Variants in COL6A6 observed in about 807,000 individuals in gnomAD.
The protein encoded by COL6A6 is collagen alpha-6(VI) chain.
COL6A6 carries 183 observed loss-of-function variants against 208.6 expected under a neutral mutation model. The observed-to-expected ratio is 0.88, with a 90% CI of 0.78 to 0.99. The LOEUF is 0.99. Ranked by LOEUF, COL6A6 falls within the 50% of genes least tolerant of loss-of-function variation. COL6A6 has a pLI of 0.00. For synonymous variants in COL6A6, 973 were observed against 1,011.8 expected, an observed-to-expected ratio of 0.96 and a Z score of 0.73; for missense variants, 2,816 against 2,815.2, an observed-to-expected ratio of 1.00 and a Z score of -0.01.
At chr3:130,592,910 C>T in intron 15 of COL6A6, 151 bp from the exon 16 acceptor site, 1 of 842,276 alleles carries the variant, frequency 1.2e-6, no homozygotes, top group Non-Finnish European at 1.9e-6. Context: ...TTGATAGTTT[C>T]TATTACTGAG....
intron 24 of COL6A6, among the ~76,000 whole-genome samples, chr3:130,625,676 C>T (rs535442361): frequency 5.3e-5 from 8 of 152,174 alleles, no homozygotes; most frequent in African/African-American, 1.7e-4. Flanking sequence ...AAGGAGCCTA[C>T]GGAGACATAC....
chr3:130,653,626 G>T (rs2065706225), intron 33 of COL6A6, among the ~76,000 whole-genome samples: 1 of 152,124 alleles, frequency 6.6e-6, no homozygotes, highest in Admixed American at 6.5e-5. Flanking sequence ...TGAATCCACA[G>T]GAGAGTGAGC....
Position 130,571,094 on chromosome 3 carries a change from G to A in COL6A6, c.2678G>A (p.Gly893Asp). Residue 893 changes from glycine to aspartate, a missense_variant, in exon 7 of 37, where the codon GGC (glycine) becomes GAC (aspartate). By Grantham distance (94) the Gly-to-Asp change is moderately conservative. Coordinates refer to ENST00000358511, the MANE Select transcript of COL6A6 (RefSeq NM_001102608.3). ...AGTACTTATACTGCTGAGGCACTGG[G>A]CTTCTCAGACCACATGTTCACTGAA... ...GGSTYTAEAL[G>D]FSDHMFTEAR... 1 of 1,613,882 alleles carries A rather than the reference G, an allele frequency of 6.2e-7. No homozygotes were observed.
chr3:130,522,165 A>G (rs1443179576), intron 1 of COL6A6, among the ~76,000 whole-genome samples: 1 of 152,168 alleles, frequency 6.6e-6, no homozygotes, highest in African/African-American at 2.4e-5. Flanking sequence ...TCATGAATGG[A>G]ATTCTTGCTT....
intron 3 of COL6A6, among the ~76,000 whole-genome samples, chr3:130,564,500 A>G (rs1325469983): frequency 1.3e-5 from 2 of 152,254 alleles, no homozygotes; most frequent in African/African-American, 4.8e-5. Context: ...TTACCTATTG[A>G]TAATAGAGAA....
At chr3:130,594,388 C>T (rs781041953) in intron 18 of COL6A6, 45 bp downstream of exon 18, 2 of 1,466,938 alleles carry the variant, frequency 1.4e-6, no homozygotes, top group South Asian at 2.4e-5. Flanking sequence ...TGATTCCCAT[C>T]CGTACTTCTG....
chr3:130,556,530 T>C (rs1226351618), intron 1 of COL6A6, among the ~76,000 whole-genome samples: 1 of 152,170 alleles, frequency 6.6e-6, no homozygotes, highest in Non-Finnish European at 1.5e-5. Context: ...CTTAGTTGTA[T>C]CTCCTTTTTC....
At chr3:130,579,999 TCAGCAATCTAGACA>T (rs2063382451) in intron 8 of COL6A6, among the ~76,000 whole-genome samples, 1 of 152,224 alleles carries the variant, frequency 6.6e-6, no homozygotes, top group African/African-American at 2.4e-5. Context: ...GTTTGTACGT[TCAGCAATCTAGACA>T]AAAATTTAAA....
At chr3:130,582,263 T>A (rs759923541) in intron 10 of COL6A6, among the ~76,000 whole-genome samples, 195 bp downstream of exon 10, 10 of 152,200 alleles carry the variant, frequency 6.6e-5, no homozygotes, top group Non-Finnish European at 1.3e-4. Context: ...TCATGCCTCA[T>A]GTGTATGAAA....
At chr3:130,561,973 G>GA (rs1242304312) in intron 2 of COL6A6, among the ~76,000 whole-genome samples, 4 of 152,148 alleles carry the variant, frequency 2.6e-5, no homozygotes, top group Non-Finnish European at 4.4e-5. Context: ...TTTTAAAGAA[G>GA]AAAAAACTAA....
At chr3:130,537,793 G>C (rs1205516416) in intron 1 of COL6A6, among the ~76,000 whole-genome samples, 1 of 152,156 alleles carries the variant, frequency 6.6e-6, no homozygotes, top group Non-Finnish European at 1.5e-5. Flanking sequence ...ACAGATTTCA[G>C]ACTAGCTGAT....
At chr3:130,641,597 C>A in intron 28 of COL6A6, 55 bp from the exon 29 acceptor site, 1 of 749,586 alleles carries the variant, frequency 1.3e-6, no homozygotes, top group South Asian at 2.8e-5. Context: ...TTTGAATTTA[C>A]ACACACACAT....
chr3:130,547,053 G>A (rs566183359), intron 1 of COL6A6, among the ~76,000 whole-genome samples: 44 of 152,222 alleles, frequency 2.9e-4, no homozygotes, highest in Non-Finnish European at 5.6e-4. Context: ...CCAGTCCTGC[G>A]CGGCCTGCCT....
chr3:130,597,398 T>C (rs2063882836), intron 18 of COL6A6, among the ~76,000 whole-genome samples: 1 of 152,230 alleles, frequency 6.6e-6, no homozygotes. Flanking sequence ...ACTTATAAGC[T>C]CTGTAAGTAC....
At chr3:130,586,722 T>A in intron 11 of COL6A6, 62 bp downstream of exon 11, 1 of 1,457,006 alleles carries the variant, frequency 6.9e-7, no homozygotes, top group South Asian at 1.4e-5. Context: ...ATAAGTTTAA[T>A]ACTTATGCTT....
chr3:130,544,796 T>C (rs1577657715), intron 1 of COL6A6, among the ~76,000 whole-genome samples: 2 of 152,228 alleles, frequency 1.3e-5, no homozygotes, highest in East Asian at 1.9e-4. Flanking sequence ...TGTTGAACAC[T>C]TTTTCATATA....
chr3:130,587,852 G>GT (rs908424822), intron 11 of COL6A6, among the ~76,000 whole-genome samples: 5 of 152,084 alleles, frequency 3.3e-5, no homozygotes, highest in African/African-American at 1.2e-4. Context: ...GGAAGACAGT[G>GT]TTTTTACAAA....
At chr3:130,527,694 C>G (rs986517828) in intron 1 of COL6A6, among the ~76,000 whole-genome samples, 1 of 152,162 alleles carries the variant, frequency 6.6e-6, no homozygotes, top group Admixed American at 6.5e-5. Flanking sequence ...TGGATCCTTG[C>G]TCTGCAGAGG....
At chr3:130,532,153 C>T (rs571643730) in intron 1 of COL6A6, among the ~76,000 whole-genome samples, 3 of 152,194 alleles carry the variant, frequency 2.0e-5, no homozygotes, top group East Asian at 1.9e-4. Context: ...GTTGACAAGG[C>T]GATGCAATTT....
Sources: allele counts gnomAD v4.1 joint callset (sites outside exome capture counted in the v4.1 genomes callset), GRCh38; gene constraint gnomAD v4.1.1; transcripts MANE v1.5; gene names NCBI Gene and HGNC (gene_info 2026-07-23, HGNC 2026-07-21).